Variants in MAGI1 observed in about 807,000 individuals in gnomAD.
MAGI1 encodes membrane associated guanylate kinase, WW and PDZ domain containing 1.
MAGI1 carries 58 observed loss-of-function variants against 139.9 expected under a neutral mutation model. The ratio of observed to expected loss-of-function variants is 0.41; its 90% CI spans 0.34 to 0.52. The LOEUF (loss-of-function observed/expected upper bound fraction) is 0.52, where lower values mean the gene tolerates loss of function less well. MAGI1 is among the 20% of genes least tolerant of loss of function. MAGI1 has a pLI of 0.12. For synonymous variants in MAGI1, 812 were observed against 737.9 expected, an observed-to-expected ratio of 1.10 and a Z score of -1.63; for missense variants, 1,874 against 1,901.6, an observed-to-expected ratio of 0.99 and a Z score of 0.27.
intron 12 of MAGI1, among the ~76,000 whole-genome samples, chr3:65,406,371 G>A (rs976397650): frequency 5.9e-5 from 9 of 151,962 alleles, no homozygotes; most frequent in Non-Finnish European, 1.2e-4. Context: ...TAAAGGAAGT[G>A]GGAATGCCAA....
chr3:65,481,965 T>C (rs1189614498), intron 3 of MAGI1, among the ~76,000 whole-genome samples: 2 of 152,228 alleles, frequency 1.3e-5, no homozygotes, highest in Non-Finnish European at 2.9e-5. Context: ...TAGTTTAACA[T>C]TGAATGGAGG....
Position 65,636,390 on chromosome 3 carries a change from G to T in MAGI1, c.314-14302C>A, listed in dbSNP as rs116372636. Among the ~76,000 whole-genome samples, 1,504 of 152,158 alleles carry T rather than the reference G, an allele frequency of 9.9e-3. 25 individuals are homozygous for T. Among genetic ancestry groups the T allele is most frequent in the African/African-American group, 0.034 (1,397 of 41,514 alleles). ...ATAATTCCATAAACGATTATAATTTGCACACTCCACTATTTTCATTCCACC... is the reference window on the plus strand; with the variant it reads ...ATAATTCCATAAACGATTATAATTTTCACACTCCACTATTTTCATTCCACC... On this transcript the variant is annotated intron_variant, in intron 1 of 22. Transcript: ENST00000402939.
At chr3:65,797,904 T>C (rs1453993849) in intron 1 of MAGI1, among the ~76,000 whole-genome samples, 2 of 152,198 alleles carry the variant, frequency 1.3e-5, no homozygotes, top group Non-Finnish European at 2.9e-5. Context: ...TAACCTTGGA[T>C]TGGACTGTGC....
chr3:65,870,119 C>T (rs1023173345), intron 1 of MAGI1, among the ~76,000 whole-genome samples: 11 of 152,086 alleles, frequency 7.2e-5, no homozygotes, highest in Non-Finnish European at 1.3e-4. Context: ...GCATTTATTT[C>T]TATCATAGAC....
intron 2 of MAGI1, among the ~76,000 whole-genome samples, chr3:65,582,431 C>T (rs1395265808): frequency 6.6e-6 from 1 of 152,166 alleles, no homozygotes; most frequent in Non-Finnish European, 1.5e-5. Context: ...ATGCACAGGC[C>T]TTCCTCAATA....
At chr3:65,375,598 T>G in intron 18 of MAGI1, 147 bp downstream of exon 18, 1 of 676,598 alleles carries the variant, frequency 1.5e-6, no homozygotes. Context: ...ATGGGTATAT[T>G]TAGTTAGGGA....
intron 5 of MAGI1, among the ~76,000 whole-genome samples, chr3:65,456,726 T>G (rs1292438475): frequency 6.6e-6 from 1 of 152,170 alleles, no homozygotes; most frequent in African/African-American, 2.4e-5. Flanking sequence ...GGAGGTTAGC[T>G]TACATGCCTC....
intron 1 of MAGI1, among the ~76,000 whole-genome samples, chr3:65,828,739 C>T (rs184872955): frequency 3.9e-4 from 59 of 152,236 alleles, no homozygotes; most frequent in African/African-American, 1.3e-3. Flanking sequence ...CCTTGAGATA[C>T]GGGGATTACT....
At chr3:66,036,142 A>T (rs1292722146) in intron 1 of MAGI1, among the ~76,000 whole-genome samples, 1 of 152,222 alleles carries the variant, frequency 6.6e-6, no homozygotes, top group Non-Finnish European at 1.5e-5. Flanking sequence ...CTATCAAGTC[A>T]TAATTATCCA....
intron 1 of MAGI1, among the ~76,000 whole-genome samples, chr3:65,815,034 T>C (rs2041511554): frequency 6.6e-6 from 1 of 152,196 alleles, no homozygotes. Flanking sequence ...AGCAGCTGTA[T>C]TTCTAAGTCC....
chr3:65,521,036 C>G (rs2078130008), intron 2 of MAGI1, among the ~76,000 whole-genome samples: 2 of 152,178 alleles, frequency 1.3e-5, no homozygotes, highest in Admixed American at 1.3e-4. Flanking sequence ...CAATCCATCC[C>G]AAATCTTGCT....
chr3:65,535,696 A>C (rs1342002910), intron 2 of MAGI1, among the ~76,000 whole-genome samples: 1 of 152,210 alleles, frequency 6.6e-6, no homozygotes, highest in Non-Finnish European at 1.5e-5. Context: ...TGTTTTATGC[A>C]TGTAACTACA....
At chr3:66,007,181 TA>T (rs1446652958) in intron 1 of MAGI1, among the ~76,000 whole-genome samples, 2 of 152,066 alleles carry the variant, frequency 1.3e-5, no homozygotes. Flanking sequence ...TAAGCTTGAC[TA>T]CACTCAGGGT....
intron 14 of MAGI1, among the ~76,000 whole-genome samples, chr3:65,388,425 G>C (rs561768159): frequency 2.0e-5 from 3 of 152,022 alleles, no homozygotes; most frequent in East Asian, 1.9e-4. Context: ...TACTGTCTTG[G>C]GGGGAGGGGG....
chr3:65,878,222 A>C (rs967931637), intron 1 of MAGI1, among the ~76,000 whole-genome samples: 17 of 152,212 alleles, frequency 1.1e-4, no homozygotes, highest in African/African-American at 3.9e-4. Flanking sequence ...GTTGGATATA[A>C]GAATGCAGAC....
chr3:65,671,637 T>C (rs1265593647), intron 1 of MAGI1, among the ~76,000 whole-genome samples: 1 of 152,186 alleles, frequency 6.6e-6, no homozygotes, highest in African/African-American at 2.4e-5. Flanking sequence ...TCCCATAGAA[T>C]AGTCCATCAT....
At position 65,471,138 on chromosome 3, in the gene MAGI1, A is replaced by G. The variant is rs543311166; in HGVS notation, c.758-654T>C. ...GAAAACCAAGAGTTACCCCCAGAAC[A>G]GTATCATGTGGGTGGACTGATATGA... On this transcript the variant is annotated intron_variant, in intron 4 of 22. Coordinates refer to ENST00000402939, the MANE Select transcript of MAGI1 (RefSeq NM_001033057.2). Among the ~76,000 whole-genome samples, 41 of 152,298 alleles carry G rather than the reference A, an allele frequency of 2.7e-4. 1 individual carries two copies. Among genetic ancestry groups the G allele is most frequent in the African/African-American group, 9.6e-4 (40 of 41,576 alleles).
intron 1 of MAGI1, among the ~76,000 whole-genome samples, chr3:65,630,152 A>G (rs764860975): frequency 3.5e-4 from 53 of 152,154 alleles, no homozygotes; most frequent in Non-Finnish European, 6.0e-4. Context: ...TTCATTCACT[A>G]ATTCAACATG....
chr3:65,439,090 GA>G (rs1300655240), intron 9 of MAGI1, among the ~76,000 whole-genome samples: 1 of 152,010 alleles, frequency 6.6e-6, no homozygotes, highest in Non-Finnish European at 1.5e-5. Context: ...AGATCACAAT[GA>G]AAAACTGGGG....
Sources: gnomAD v4.1 joint callset for allele counts (sites outside exome capture counted in the v4.1 genomes callset) on GRCh38, gnomAD v4.1.1 for gene constraint, MANE v1.5 for transcripts, NCBI Gene and HGNC (gene_info 2026-07-23, HGNC 2026-07-21) for gene names.